Variants in SEC22A observed in about 807,000 individuals in gnomAD.
SEC22A encodes SEC22 homolog A, vesicle trafficking protein.
In SEC22A, 22 loss-of-function variants were observed where a neutral mutation model predicts 35.3. That is an observed-to-expected ratio of 0.62 (90% CI 0.45 to 0.89). The LOEUF is 0.89. SEC22A is among the 40% of genes least tolerant of loss of function. The pLI, the probability that SEC22A is intolerant of heterozygous loss-of-function variation, is 0.00. For missense variants in SEC22A, 354 were observed against 362.5 expected, an observed-to-expected ratio of 0.98 and a Z score of 0.19; for synonymous variants, 119 against 129.5, an observed-to-expected ratio of 0.92 and a Z score of 0.55.
At chr3:123,224,381 G>T (rs1425128554) in intron 3 of SEC22A, among the ~76,000 whole-genome samples, 1 of 146,370 alleles carries the variant, frequency 6.8e-6, no homozygotes, top group Non-Finnish European at 1.5e-5. Flanking sequence ...CATTCTAATG[G>T]TGTAAGCAAT....
intron 1 of SEC22A, 140 bp downstream of exon 1, chr3:123,202,126 A>G (rs1936756018): frequency 6.5e-6 from 1 of 152,846 alleles, no homozygotes; most frequent in Non-Finnish European, 1.5e-5. Context: ...CCCCACGGGC[A>G]GGAGCCAAGT....
chr3:123,252,189 A>T (rs1937622630), intron 5 of SEC22A, among the ~76,000 whole-genome samples: 1 of 152,036 alleles, frequency 6.6e-6, no homozygotes, highest in Middle Eastern at 3.2e-3. Flanking sequence ...TATCCTTTTT[A>T]TTTTCACTAA....
intron 4 of SEC22A, among the ~76,000 whole-genome samples, chr3:123,226,730 T>C (rs74475554): frequency 2.2e-4 from 34 of 152,302 alleles, no homozygotes; most frequent in African/African-American, 8.2e-4. Context: ...ATAATGCAAT[T>C]TGTCCACTTT....
In SEC22A at chr3:123,223,711, T is replaced by A. The variant is rs781297342; in HGVS notation, c.335T>A (p.Phe112Tyr). The change falls in exon 3 of 7, where the codon TTC becomes TAC. Residue 112 changes from phenylalanine to tyrosine, a missense_variant. Physicochemically the swap from Phe to Tyr is conservative, Grantham distance 22. Transcript: ENST00000492595. ...KTNTAVRPYC[F>Y]IEFDNFIQRT... is the part of the protein sequence containing the mutation. ...AATACTGCTGTCAGACCATACTGTTTCATTGAATTTGGTAAGGGCCTGATT... is the reference window on the plus strand; with the variant it reads ...AATACTGCTGTCAGACCATACTGTTACATTGAATTTGGTAAGGGCCTGATT... The A allele has an allele frequency of 4.3e-5, 70 of 1,611,574 alleles. No individual in the cohort carries two copies.
chr3:123,258,041 A>G (rs1174010188), intron 5 of SEC22A, among the ~76,000 whole-genome samples: 2 of 151,422 alleles, frequency 1.3e-5, no homozygotes, highest in African/African-American at 4.8e-5. Flanking sequence ...AGAAGGAGTG[A>G]TTAAGAGAGT....
intron 1 of SEC22A, among the ~76,000 whole-genome samples, chr3:123,208,040 T>G (rs1166118840): frequency 1.3e-5 from 2 of 152,224 alleles, no homozygotes; most frequent in Admixed American, 1.3e-4. Context: ...GAGCATATTC[T>G]TAATTTGGCA....
At chr3:123,230,571 C>T (rs1488593114) in intron 4 of SEC22A, among the ~76,000 whole-genome samples, 1 of 151,686 alleles carries the variant, frequency 6.6e-6, no homozygotes, top group East Asian at 1.9e-4. Flanking sequence ...TTCTGTGGCT[C>T]ATTAGAATAT....
chr3:123,259,589 G>A lies in SEC22A; in HGVS notation c.723G>A (p.Gln241=), dbSNP rs762177915. ...TTGGAACAGCAGCCTGCCTTTACCA[G>A]GTAGGTTTTCTTCCATTTTAAAGAA... is the stretch of plus-strand genomic sequence containing the variant. The part of the protein sequence containing the change: ...FFLGTAACLY[Q]CYLLVYYTGW... Residue 241 remains glutamine (Q), a splice_region_variant and synonymous_variant, in exon 6 of 7, where the codon CAG becomes CAA. Transcript: ENST00000492595. The A allele has an allele frequency of 1.2e-6, 2 of 1,607,940 alleles. No individual in the cohort carries two copies. The highest frequency in any genetic ancestry group is 1.3e-5 in the African/African-American group (1 of 74,776).
Position 123,273,545 on chromosome 3 carries a change from G to C in SEC22A, c.*1823G>C, listed in dbSNP as rs758105173. ...TTTCAGGCCAGGCACGGTGACTCAG[G>C]CCTGTAATCCCAGCACTTTGGGAGG... On this transcript the variant is annotated 3_prime_UTR_variant, in exon 7 of 7. Transcript: ENST00000492595. 6.6e-6 allele frequency: 1 copy of C among 152,230 alleles called. No individual in the cohort carries two copies. The highest frequency in any genetic ancestry group is 1.5e-5 in the Non-Finnish European group (1 of 68,074). The allele number at this position is 152,230 out of a possible 1,614,324, so 9.4% of individuals were successfully genotyped here.
At chr3:123,216,221 A>G (rs1223489415) in intron 2 of SEC22A, among the ~76,000 whole-genome samples, 2 of 152,206 alleles carry the variant, frequency 1.3e-5, no homozygotes, top group Non-Finnish European at 1.5e-5. Flanking sequence ...TTTGGGAAAT[A>G]TACCCAATAT....
chr3:123,246,057 A>G (rs1245554967), intron 5 of SEC22A, 43 bp downstream of exon 5: 4 of 919,684 alleles, frequency 4.3e-6, no homozygotes, highest in Non-Finnish European at 7.2e-6. Flanking sequence ...GTGCCTCTTC[A>G]TTCTACTGGT....
At chr3:123,238,888 T>A (rs1033880109) in intron 4 of SEC22A, among the ~76,000 whole-genome samples, 3 of 152,298 alleles carry the variant, frequency 2.0e-5, no homozygotes, top group East Asian at 3.9e-4. Context: ...AAACTGTTTA[T>A]TATGGAAATT....
chr3:123,233,657 A>AC (rs200581120), intron 4 of SEC22A, among the ~76,000 whole-genome samples: 1,936 of 152,178 alleles, frequency 0.013, 41 homozygotes, highest in African/African-American at 0.045. Context: ...AAACAAACAA[A>AC]AAAAAACACT....
intron 2 of SEC22A, among the ~76,000 whole-genome samples, chr3:123,212,774 A>T (rs1936958824): frequency 6.6e-6 from 1 of 152,118 alleles, no homozygotes; most frequent in Non-Finnish European, 1.5e-5. Flanking sequence ...GAAAATAGAG[A>T]TAGGAGAATA....
chr3:123,261,042 A>G (rs1337137056), intron 6 of SEC22A, among the ~76,000 whole-genome samples: 14 of 151,586 alleles, frequency 9.2e-5, no homozygotes, highest in Admixed American at 9.2e-4. Flanking sequence ...TCACCATGTT[A>G]GCCAGGATGG....
intron 5 of SEC22A, among the ~76,000 whole-genome samples, chr3:123,250,243 C>G (rs1937600239): frequency 1.3e-5 from 2 of 152,064 alleles, no homozygotes; most frequent in African/African-American, 2.4e-5. Context: ...AACCCCGTCT[C>G]TACTAAAAAT....
At chr3:123,249,724 A>G (rs545074993) in intron 5 of SEC22A, among the ~76,000 whole-genome samples, 7 of 152,108 alleles carry the variant, frequency 4.6e-5, no homozygotes, top group African/African-American at 1.4e-4. Flanking sequence ...GGGTTTCACC[A>G]TGTTGGTCAG....
intron 2 of SEC22A, among the ~76,000 whole-genome samples, chr3:123,211,698 A>G (rs1051392041): frequency 1.4e-4 from 21 of 152,048 alleles, no homozygotes; most frequent in Admixed American, 1.3e-4. Flanking sequence ...GGCTCAAGTG[A>G]TCCTCCTGCT....
rs13317325 is a variant in SEC22A at position 123,224,859 on chromosome 3, G to C, written c.347-244G>C. 8.8e-3 allele frequency among the ~76,000 whole-genome samples: 1,343 copies of C among 152,202 alleles called. 13 individuals carry two copies. Among genetic ancestry groups the C allele is most frequent in the Admixed American group, 0.013 (200 of 15,292 alleles). ...TTTGTTTTTGTAATTTCTTGAAGTG[G>C]ATGTAATACACTTAGGTAGTGTTAA... On this transcript the variant is annotated intron_variant, in intron 3 of 6. Coordinates refer to ENST00000492595, the MANE Select transcript of SEC22A (RefSeq NM_012430.5).
Sources: allele counts gnomAD v4.1 joint callset (sites outside exome capture counted in the v4.1 genomes callset), GRCh38; gene constraint gnomAD v4.1.1; transcripts MANE v1.5; gene names NCBI Gene and HGNC (gene_info 2026-07-23, HGNC 2026-07-21).